PCBP3: variants seen among roughly 807,000 people sequenced by gnomAD.
PCBP3 encodes the protein poly(rC)-binding protein 3.
In PCBP3, 25 loss-of-function variants were observed where a neutral mutation model predicts 52.7. That is an observed-to-expected ratio of 0.47 (90% CI 0.35 to 0.66). The LOEUF is 0.66. Among genes scored for constraint, PCBP3 ranks in the 30% least tolerant of loss-of-function variants. The pLI, the probability that PCBP3 is intolerant of heterozygous loss-of-function variation, is 0.01. For synonymous variants in PCBP3, 162 were observed against 183.0 expected (o/e 0.89, Z 0.93); for missense variants, 391 against 490.3 (o/e 0.80, Z 1.91).
chr21:45,721,905 G>C (rs1371511606), intron 2 of PCBP3, among the ~76,000 whole-genome samples: 3 of 152,324 alleles, frequency 2.0e-5, no homozygotes, highest in Middle Eastern at 6.8e-3. Context: ...GTGTCTCAGA[G>C]GACTACTGTA....
chr21:45,726,722 C>T (rs765590228), intron 2 of PCBP3, among the ~76,000 whole-genome samples: 4 of 152,266 alleles, frequency 2.6e-5, no homozygotes, highest in Middle Eastern at 3.4e-3. Context: ...GACAGTGACC[C>T]GCGTGTGGCT....
At chr21:45,662,880 C>T (rs778745498) in intron 1 of PCBP3, among the ~76,000 whole-genome samples, 5 of 152,008 alleles carry the variant, frequency 3.3e-5, no homozygotes, top group Admixed American at 6.5e-5. Context: ...GAAAAGCACC[C>T]GCTACTTAGC....
intron 4 of PCBP3, among the ~76,000 whole-genome samples, chr21:45,843,378 G>T (rs1247878779): frequency 6.6e-6 from 1 of 152,172 alleles, no homozygotes; most frequent in Non-Finnish European, 1.5e-5. Context: ...TATATTTACT[G>T]ATCTTCTCAG....
At chr21:45,921,219 C>T (rs2074386476) in intron 13 of PCBP3, among the ~76,000 whole-genome samples, 1 of 152,098 alleles carries the variant, frequency 6.6e-6, no homozygotes, top group African/African-American at 2.4e-5. Context: ...ATTTTTAAAG[C>T]TTCAATTTCT....
chr21:45,814,303 T>G (rs2092766212), intron 4 of PCBP3, among the ~76,000 whole-genome samples: 1 of 142,336 alleles, frequency 7.0e-6, no homozygotes, highest in African/African-American at 2.7e-5. Flanking sequence ...TAGTGAGTGG[T>G]GAGTGGTGAG....
intron 5 of PCBP3, among the ~76,000 whole-genome samples, chr21:45,883,742 AT>A (rs1012530645): frequency 2.0e-5 from 3 of 151,782 alleles, no homozygotes; most frequent in Non-Finnish European, 4.4e-5. Context: ...GCCTTTTCCC[AT>A]TAGTTTATCT....
At chr21:45,899,219 C>T (rs1456993974) in intron 6 of PCBP3, among the ~76,000 whole-genome samples, 1 of 152,274 alleles carries the variant, frequency 6.6e-6, no homozygotes, top group East Asian at 1.9e-4. Context: ...CTTTAAGTCA[C>T]ACAATTGAAG....
rs534527011 is a variant in PCBP3, at chr21:45,853,187, C to T, written c.10+3092C>T. Among the ~76,000 whole-genome samples, 13 of 152,284 alleles carry T rather than the reference C, an allele frequency of 8.5e-5. No homozygotes were observed. The highest frequency in any genetic ancestry group is 3.9e-4 in the East Asian group (2 of 5,184). On this transcript the variant is annotated intron_variant, in intron 5 of 17. Coordinates refer to ENST00000681687, the MANE Select transcript of PCBP3 (RefSeq NM_001384156.1). The surrounding 1 kb of genome is among the most constrained non-coding windows in gnomAD (Gnocchi z 4.6). ...CATCTCTGTGGTGACAAAATCTCCACGGGTTCATGGAGACAGATGCACACA... is the reference window on the plus strand; with the variant it reads ...CATCTCTGTGGTGACAAAATCTCCATGGGTTCATGGAGACAGATGCACACA...
chr21:45,941,081 G>A (rs189427719), intron 17 of PCBP3, among the ~76,000 whole-genome samples: 106 of 152,304 alleles, frequency 7.0e-4, no homozygotes, highest in Admixed American at 2.1e-3. Context: ...GACACCCCCC[G>A]ACTTTACCCA....
At chr21:45,721,056 G>T (rs972169290) in intron 2 of PCBP3, among the ~76,000 whole-genome samples, 2 of 152,308 alleles carry the variant, frequency 1.3e-5, no homozygotes, top group South Asian at 4.1e-4. Context: ...CAGGCCCTCT[G>T]ATTTTTTCTT....
At chr21:45,667,075 G>GTTCTTTCTTTCTTTCTTTCTTTCCT (rs1555900588) in intron 1 of PCBP3, among the ~76,000 whole-genome samples, 1 of 147,552 alleles carries the variant, frequency 6.8e-6, no homozygotes, top group South Asian at 2.1e-4. Context: ...GCATCTGTTT[G>GTTCTTTCTTTCTTTCTTTCTTTCCT]TTCTTTCTTT....
At chr21:45,924,443 C>T (rs2742203) in intron 13 of PCBP3, among the ~76,000 whole-genome samples, 3 of 50,698 alleles carry the variant, frequency 5.9e-5, no homozygotes, top group South Asian at 7.1e-4. Flanking sequence ...GGAACAGTCG[C>T]GTGGGTAGAA....
intron 5 of PCBP3, among the ~76,000 whole-genome samples, chr21:45,892,408 T>C (rs941907596): frequency 1.5e-5 from 2 of 135,788 alleles, no homozygotes; most frequent in Non-Finnish European, 3.1e-5. Context: ...CATTAGTCCC[T>C]GGCCTGAGAA....
rs1490293383 is a variant in PCBP3, at chr21:45,812,563, G to A, written c.-125-37398G>A. ...TGGGATGACGCCCACCAACACACCC[G>A]GCTAATTTTTGTATTTTTAGTACAA... On this transcript the variant is annotated intron_variant, in intron 4 of 17. Transcript: ENST00000681687. Among the ~76,000 whole-genome samples the A allele has an allele frequency of 8.5e-5, 13 of 152,202 alleles. 1 individual carries two copies. The highest frequency in any genetic ancestry group is 6.2e-4 in the South Asian group (3 of 4,820).
intron 4 of PCBP3, among the ~76,000 whole-genome samples, chr21:45,781,369 A>G (rs2090624160): frequency 6.6e-6 from 1 of 152,242 alleles, no homozygotes; most frequent in Non-Finnish European, 1.5e-5. Flanking sequence ...TTGAACATCC[A>G]TTTCACAAAC....
chr21:45,911,772 G>A lies in PCBP3; in HGVS notation c.600+742G>A, dbSNP rs146875610. On this transcript the variant is annotated intron_variant, in intron 11 of 17. Transcript: ENST00000681687. ...TGCAGCCCAGGCTCACTCCTCTCTCGTACTTGGCTTGGGGTTCAAACCCCA... is the reference window on the plus strand; with the variant it reads ...TGCAGCCCAGGCTCACTCCTCTCTCATACTTGGCTTGGGGTTCAAACCCCA... 1.1e-4 allele frequency among the ~76,000 whole-genome samples: 17 copies of A among 152,320 alleles called. No homozygotes were observed. The East Asian group carries it at 2.9e-3, about 26-fold the overall frequency.
At chr21:45,705,221 G>A (rs2083375507) in intron 2 of PCBP3, among the ~76,000 whole-genome samples, 1 of 152,242 alleles carries the variant, frequency 6.6e-6, no homozygotes, top group African/African-American at 2.4e-5. Context: ...GAGACTGGCT[G>A]TGTCAGCCAC....
At chr21:45,757,547 G>T (rs866570510) in intron 4 of PCBP3, among the ~76,000 whole-genome samples, 3 of 152,276 alleles carry the variant, frequency 2.0e-5, no homozygotes, top group Admixed American at 6.5e-5. Context: ...CACTTTACCT[G>T]TTTTTTCTTT....
chr21:45,785,507 G>C (rs1218144867), intron 4 of PCBP3, among the ~76,000 whole-genome samples: 2 of 70,564 alleles, frequency 2.8e-5, no homozygotes, highest in Non-Finnish European at 2.7e-5. Context: ...CCGTCCGGGA[G>C]GGGGGGGGGT....
Sources: gnomAD v4.1 joint callset for allele counts (sites outside exome capture counted in the v4.1 genomes callset) on GRCh38, gnomAD v4.1.1 for gene constraint, Gnocchi (gnomAD v3.1) non-coding constraint, MANE v1.5 for transcripts, NCBI Gene and HGNC (gene_info 2026-07-23, HGNC 2026-07-21) for gene names.